The following PDE7B variants were observed in gnomAD, a reference collection of about 807,000 sequenced individuals.
PDE7B encodes the protein phosphodiesterase 7B.
A neutral mutation model predicts 56.2 loss-of-function variants in PDE7B; 29 were observed. The observed-to-expected ratio is 0.52, with a 90% CI of 0.38 to 0.70. PDE7B has a LOEUF of 0.70. Among genes scored for constraint, PDE7B ranks in the 30% least tolerant of loss-of-function variants. PDE7B has a pLI of 0.00. For synonymous variants in PDE7B, 197 were observed against 196.9 expected (o/e 1.00, Z 0.00); for missense variants, 490 against 565.0 (o/e 0.87, Z 1.35).
At chr6:135,861,797 G>C (rs1384393943) in intron 1 of PDE7B, among the ~76,000 whole-genome samples, 1 of 151,608 alleles carries the variant, frequency 6.6e-6, no homozygotes, top group African/African-American at 2.4e-5. Context: ...GTTAATTTCT[G>C]TCAGTAATAT....
chr6:135,991,390 C>G (rs745554467), intron 2 of PDE7B, among the ~76,000 whole-genome samples: 1 of 149,844 alleles, frequency 6.7e-6, no homozygotes, highest in Non-Finnish European at 1.5e-5. Context: ...CAGAACATCA[C>G]GTTGTACACC....
At chr6:135,961,314 T>G (rs2128201475) in intron 2 of PDE7B, among the ~76,000 whole-genome samples, 1 of 145,338 alleles carries the variant, frequency 6.9e-6, no homozygotes, top group South Asian at 2.3e-4. Context: ...TGTGTGTGTG[T>G]AGTTCAGCTT....
At chr6:136,131,508 T>TG (rs1178300732) in intron 3 of PDE7B, among the ~76,000 whole-genome samples, 3 of 147,590 alleles carry the variant, frequency 2.0e-5, no homozygotes, top group Non-Finnish European at 3.0e-5. Context: ...TTTTTTTTTT[T>TG]TTTTTTTTTT....
intron 2 of PDE7B, among the ~76,000 whole-genome samples, chr6:136,097,565 C>T (rs767730004): frequency 9.9e-5 from 15 of 152,184 alleles, no homozygotes; most frequent in African/African-American, 2.2e-4. Flanking sequence ...CCCTTCCATT[C>T]CTTTCTCCAT....
intron 2 of PDE7B, among the ~76,000 whole-genome samples, chr6:136,043,677 T>G (rs1776450706): frequency 6.6e-6 from 1 of 152,058 alleles, no homozygotes; most frequent in South Asian, 2.1e-4. Context: ...GTTATTTTTC[T>G]CAACAACTTC....
chr6:136,108,794 T>C lies in PDE7B; in HGVS notation c.146T>C (p.Ile49Thr). 1.2e-6 allele frequency: 2 copies of C among 1,605,096 alleles called. No homozygotes were observed. The highest frequency in any genetic ancestry group is 8.5e-7 in the Non-Finnish European group (1 of 1,171,816). Reference protein sequence around the residue: ...RAERRGSYPFIDFRLLNSTTY... With the variant: ...RAERRGSYPFTDFRLLNSTTY... ...GAACGCCGTGGCTCCTACCCATTCA[T>C]TGACTTCCGCCTACTTAACAGTGAG... The change falls in exon 3 of 13, where the codon ATT becomes ACT. Residue 49 changes from isoleucine (I) to threonine (T), a missense_variant. Coordinates refer to ENST00000308191, the MANE Select transcript of PDE7B (RefSeq NM_018945.4).
At chr6:135,986,774 T>G (rs1332710755) in intron 2 of PDE7B, among the ~76,000 whole-genome samples, 1 of 152,252 alleles carries the variant, frequency 6.6e-6, no homozygotes, top group Admixed American at 6.5e-5. Context: ...ATGATTAGGA[T>G]AAGTCCATTT....
chr6:136,185,321 C>T lies in PDE7B; in HGVS notation c.1046-1715C>T, dbSNP rs146443331. Among the ~76,000 whole-genome samples the T allele has an allele frequency of 1.8e-3, 268 of 152,272 alleles. 4 individuals carry two copies. The highest frequency in any genetic ancestry group is 5.9e-3 in the African/African-American group (244 of 41,570). ...TGCAGACACTTTGAAGCCAAACTTC[C>T]TATGCTGGAATCCAGGCTCCCCACT... On this transcript the variant is annotated intron_variant, in intron 11 of 12. Transcript: ENST00000308191.
At chr6:136,060,553 G>A (rs1383194223) in intron 2 of PDE7B, among the ~76,000 whole-genome samples, 2 of 152,062 alleles carry the variant, frequency 1.3e-5, no homozygotes, top group South Asian at 4.1e-4. Flanking sequence ...ACTTTCATGA[G>A]ACAGCAATTT....
chr6:136,144,588 C>T (rs544179239), intron 3 of PDE7B, among the ~76,000 whole-genome samples: 1 of 152,212 alleles, frequency 6.6e-6, no homozygotes, highest in African/African-American at 2.4e-5. Flanking sequence ...CAAAATTGTG[C>T]TAATAATGTC....
At chr6:136,003,140 C>T (rs1775705963) in intron 2 of PDE7B, among the ~76,000 whole-genome samples, 2 of 152,000 alleles carry the variant, frequency 1.3e-5, no homozygotes, top group African/African-American at 2.4e-5. Context: ...ATAAAGATGT[C>T]CTTTGAAACC....
intron 2 of PDE7B, among the ~76,000 whole-genome samples, chr6:136,032,270 C>T (rs1310609496): frequency 1.3e-5 from 2 of 152,148 alleles, no homozygotes; most frequent in African/African-American, 2.4e-5. Flanking sequence ...AGCTCATGAA[C>T]ATCAAACACA....
At position 136,105,298 on chromosome 6, in the gene PDE7B, C is replaced by T. The variant is rs138082620; in HGVS notation, c.83-3433C>T. Among the ~76,000 whole-genome samples, 9 of 152,212 alleles carry T rather than the reference C, an allele frequency of 5.9e-5. No individual in the cohort carries two copies. In the East Asian group the frequency reaches 7.7e-4, roughly 13 times the overall value. On this transcript the variant is annotated intron_variant, in intron 2 of 12. Transcript: ENST00000308191. ...CAAACAGCAATCAAAGCATACATTA[C>T]GTAAGAAAAAGTTAATGCTGACCTG... is the stretch of plus-strand genomic sequence containing the variant.
chr6:135,893,219 TC>T (rs1246711004), intron 1 of PDE7B, among the ~76,000 whole-genome samples: 2 of 68,568 alleles, frequency 2.9e-5, no homozygotes, highest in African/African-American at 6.0e-5. Flanking sequence ...CCCTCCCCCC[TC>T]CCCCCACCCC....
chr6:136,132,298 C>T (rs1174260286), intron 3 of PDE7B, among the ~76,000 whole-genome samples: 1 of 151,748 alleles, frequency 6.6e-6, no homozygotes, highest in Non-Finnish European at 1.5e-5. Flanking sequence ...ACTTTAAATC[C>T]TTTGGGTGCT....
intron 1 of PDE7B, among the ~76,000 whole-genome samples, chr6:135,935,700 C>G (rs1774408872): frequency 6.6e-6 from 1 of 152,188 alleles, no homozygotes; most frequent in South Asian, 2.1e-4. Context: ...GTTTAGTAAA[C>G]TGTACCAAAG....
chr6:136,035,549 C>T (rs1269975501), intron 2 of PDE7B, among the ~76,000 whole-genome samples: 2 of 152,258 alleles, frequency 1.3e-5, no homozygotes, highest in Middle Eastern at 3.4e-3. Context: ...GGTATTTTTG[C>T]CCTTATACTC....
chr6:135,863,601 A>G (rs571505548), intron 1 of PDE7B, among the ~76,000 whole-genome samples: 1 of 152,166 alleles, frequency 6.6e-6, no homozygotes, highest in Non-Finnish European at 1.5e-5. Context: ...ATGATAATGG[A>G]AAAAAGGTTG....
At chr6:135,973,727 T>A (rs1562457092) in intron 2 of PDE7B, among the ~76,000 whole-genome samples, 1 of 152,252 alleles carries the variant, frequency 6.6e-6, no homozygotes, top group Non-Finnish European at 1.5e-5. Context: ...TTAGTGACAC[T>A]GAGCATTTAA....
Sources: gnomAD v4.1 joint callset for allele counts (sites outside exome capture counted in the v4.1 genomes callset) on GRCh38, gnomAD v4.1.1 for gene constraint, MANE v1.5 for transcripts, NCBI Gene and HGNC (gene_info 2026-07-23, HGNC 2026-07-21) for gene names.